Variants in STAU2 observed in about 807,000 individuals in gnomAD.
STAU2 encodes the protein staufen double-stranded RNA binding protein 2, also known as double-stranded RNA-binding protein Staufen homolog 2.
A neutral mutation model predicts 65.9 loss-of-function variants in STAU2; 20 were observed. The ratio of observed to expected loss-of-function variants is 0.30; its 90% confidence interval spans 0.21 to 0.44. The LOEUF is 0.44. Ranked by LOEUF, STAU2 falls within the 20% of genes least tolerant of loss-of-function variation. STAU2 has a pLI of 1.00. For synonymous variants in STAU2, 232 were observed against 233.9 expected (o/e 0.99, Z 0.07); for missense variants, 558 against 683.9 (o/e 0.82, Z 2.05).
intron 12 of STAU2, among the ~76,000 whole-genome samples, chr8:73,554,994 A>G (rs1381754731): frequency 2.0e-5 from 3 of 152,196 alleles, no homozygotes; most frequent in African/African-American, 7.2e-5. Flanking sequence ...TTAAGCTCCA[A>G]CTGCTATTGT....
At chr8:73,543,791 T>G (rs1164000375) in intron 13 of STAU2, among the ~76,000 whole-genome samples, 2 of 152,196 alleles carry the variant, frequency 1.3e-5, no homozygotes, top group African/African-American at 2.4e-5. Flanking sequence ...GTTAGTATGC[T>G]TCTGGAATCT....
chr8:73,670,101 A>T (rs751708025), intron 6 of STAU2, among the ~76,000 whole-genome samples: 3 of 152,180 alleles, frequency 2.0e-5, no homozygotes, highest in Non-Finnish European at 4.4e-5. Context: ...ATTTATTTAC[A>T]TTGGGGAACG....
intron 13 of STAU2, among the ~76,000 whole-genome samples, chr8:73,549,164 A>T (rs1025112250): frequency 6.6e-6 from 1 of 152,220 alleles, no homozygotes; most frequent in Non-Finnish European, 1.5e-5. Context: ...ACTTTGAATG[A>T]GTTCTTATAA....
At chr8:73,510,312 C>T (rs1158591800) in intron 13 of STAU2, among the ~76,000 whole-genome samples, 7 of 152,166 alleles carry the variant, frequency 4.6e-5, no homozygotes, top group African/African-American at 1.2e-4. Context: ...TCATGTGATC[C>T]GCCCACCTCT....
chr8:73,527,565 A>G, intron 13 of STAU2: 1 of 515,106 alleles, frequency 1.9e-6, no homozygotes, highest in East Asian at 3.0e-5. Context: ...CAAGTCTAGC[A>G]GATGGTGCTA....
intron 13 of STAU2, among the ~76,000 whole-genome samples, chr8:73,425,497 A>G (rs975536515): frequency 6.6e-6 from 1 of 152,140 alleles, no homozygotes; most frequent in Non-Finnish European, 1.5e-5. Context: ...TTGAACTTCT[A>G]GCCTCCAGAA....
At chr8:73,527,388 C>G (rs943488579) in intron 13 of STAU2, 1 of 230,512 alleles carries the variant, frequency 4.3e-6, no homozygotes, top group African/African-American at 2.2e-5. Context: ...TTTTGTTGAC[C>G]CTTCCTCTCA....
intron 13 of STAU2, among the ~76,000 whole-genome samples, chr8:73,531,888 T>C (rs761527025): frequency 1.1e-4 from 16 of 152,190 alleles, no homozygotes; most frequent in Non-Finnish European, 2.2e-4. Flanking sequence ...CACAATGTCA[T>C]AGGACCTTGA....
intron 13 of STAU2, among the ~76,000 whole-genome samples, chr8:73,432,818 A>G (rs1585737820): frequency 6.6e-6 from 1 of 152,208 alleles, no homozygotes; most frequent in East Asian, 1.9e-4. Flanking sequence ...CTTGGAACAA[A>G]GGAGCATCTG....
chr8:73,495,547 T>C (rs941217140), intron 13 of STAU2, among the ~76,000 whole-genome samples: 4 of 151,008 alleles, frequency 2.6e-5, no homozygotes, highest in Admixed American at 6.6e-5. Context: ...TCTTCCAGTG[T>C]TCAAATAAAA....
chr8:73,622,578 G>A (rs1813345796), intron 6 of STAU2, among the ~76,000 whole-genome samples: 1 of 152,130 alleles, frequency 6.6e-6, no homozygotes, highest in African/African-American at 2.4e-5. Flanking sequence ...AGGAAATTCC[G>A]TATGGAGCTT....
intron 6 of STAU2, among the ~76,000 whole-genome samples, chr8:73,637,536 C>T (rs1017159106): frequency 1.4e-5 from 2 of 144,202 alleles, no homozygotes; most frequent in South Asian, 2.2e-4. Flanking sequence ...CTGTCAACTC[C>T]GAATTCTATA....
In STAU2 at chr8:73,723,766, TATA is replaced by T. The variant is rs548176992; in HGVS notation, c.-18+14515_-18+14517del. ...ACTTTTTGAATACATGGAATACAGT[TATA>T]ATGTTTTAATGCCCTCTGCTAATTC... On this transcript the variant is annotated intron_variant, in intron 3 of 14. Coordinates refer to ENST00000524300, the MANE Select transcript of STAU2 (RefSeq NM_001164380.2). Among the ~76,000 whole-genome samples the T allele has an allele frequency of 1.6e-3, 244 of 152,350 alleles. 1 individual carries two copies. The highest frequency in any genetic ancestry group is 2.5e-3 in the Non-Finnish European group (167 of 68,030).
Position 73,613,841 on chromosome 8 carries a change from G to A in STAU2, c.794C>T (p.Ala265Val), listed in dbSNP as rs937297989. 3.1e-6 allele frequency: 5 copies of A among 1,613,596 alleles called. No individual in the cohort carries two copies. The highest frequency in any genetic ancestry group is 2.2e-5 in the East Asian group (1 of 44,880). ...TTTAAGCTCCTGTAAGACGGTGGTC[G>A]CAGCGCGCTTCTTGGAGAGTTTTTT... The part of the protein sequence containing the change: ...NSKKLSKKRA[A>V]TTVLQELKKL... The change falls in exon 9 of 15, where the codon GCG becomes GTG. Residue 265 changes from alanine (A) to valine (V), a missense_variant. Transcript: ENST00000524300.
rs71269931 is a variant in STAU2, at chr8:73,658,943, CAAAA to C, written c.410+14160_410+14163del. On this transcript the variant is annotated intron_variant, in intron 6 of 14. Coordinates refer to ENST00000524300, the MANE Select transcript of STAU2 (RefSeq NM_001164380.2). ...ACAACAACAACAACAACAAAAACAA[CAAAA>C]AAAAAAAACCAACCATACTTAAATT... Among the ~76,000 whole-genome samples, 9 of 141,954 alleles carry C rather than the reference CAAAA, an allele frequency of 6.3e-5. No homozygotes were observed. In the East Asian group the frequency reaches 9.9e-4, roughly 16 times the overall value. 93.1% of individuals were successfully genotyped at this position (141,954 alleles called of 152,430 possible). A position where few individuals can be genotyped will look rare whatever the true frequency, so the allele number is the denominator to read the frequency against.
chr8:73,732,387 T>C (rs1416089675), intron 3 of STAU2, among the ~76,000 whole-genome samples: 1 of 152,162 alleles, frequency 6.6e-6, no homozygotes, highest in Non-Finnish European at 1.5e-5. Context: ...GTTCCACAGA[T>C]AAACCTCAAT....
In STAU2 at chr8:73,738,304, T is replaced by G; in HGVS notation, c.-38A>C. 1 of 1,607,880 alleles carries G rather than the reference T, an allele frequency of 6.2e-7. No homozygotes were observed. Among genetic ancestry groups the G allele is most frequent in the Non-Finnish European group, 8.5e-7 (1 of 1,178,076 alleles). On this transcript the variant is annotated 5_prime_UTR_variant, in exon 3 of 15. Transcript: ENST00000524300. ...CTCACCTGATTTATTTGAAGCATGT[T>G]AAGACAATATTGACCAAACTGCTGT...
intron 13 of STAU2, among the ~76,000 whole-genome samples, chr8:73,430,993 A>C (rs1817237174): frequency 2.6e-5 from 4 of 152,216 alleles, no homozygotes; most frequent in Admixed American, 2.0e-4. Context: ...TACCATCTGC[A>C]GTTCACTTTC....
chr8:73,465,534 T>C (rs1486240206), intron 13 of STAU2, among the ~76,000 whole-genome samples: 1 of 152,220 alleles, frequency 6.6e-6, no homozygotes, highest in East Asian at 1.9e-4. Flanking sequence ...TGGCTGCATA[T>C]AATTTTTTGT....
Sources: allele counts gnomAD v4.1 joint callset (sites outside exome capture counted in the v4.1 genomes callset), GRCh38; gene constraint gnomAD v4.1.1; transcripts MANE v1.5; gene names NCBI Gene and HGNC (gene_info 2026-07-23, HGNC 2026-07-21).